Variants in DLGAP1 observed in about 807,000 individuals in gnomAD.
DLGAP1 encodes disks large-associated protein 1.
A neutral mutation model predicts 90.8 loss-of-function variants in DLGAP1; 11 were observed. The observed-to-expected ratio is 0.12, with a 90% CI of 0.08 to 0.20. DLGAP1 has a LOEUF of 0.20. Ranked by LOEUF, DLGAP1 falls within the 10% of genes least tolerant of loss-of-function variation. DLGAP1 has a pLI of 1.00. For missense variants in DLGAP1, 1,050 were observed against 1,333.8 expected (o/e 0.79, Z 3.31); for synonymous variants, 558 against 540.7 (o/e 1.03, Z -0.44).
At chr18:4,038,055 T>C (rs918578229) in intron 2 of DLGAP1, among the ~76,000 whole-genome samples, 8 of 152,170 alleles carry the variant, frequency 5.3e-5, no homozygotes, top group Non-Finnish European at 1.0e-4. Flanking sequence ...CTATAATCAA[T>C]TTGCTCACTC....
At chr18:4,308,748 T>C (rs879051985) in intron 1 of DLGAP1, among the ~76,000 whole-genome samples, 1 of 152,214 alleles carries the variant, frequency 6.6e-6, no homozygotes, top group Admixed American at 6.5e-5. Context: ...TCAATTTCTA[T>C]GTGAAGAGCT....
intron 1 of DLGAP1, among the ~76,000 whole-genome samples, chr18:4,218,448 A>AAT (rs1232128681): frequency 6.6e-6 from 1 of 151,960 alleles, no homozygotes; most frequent in African/African-American, 2.4e-5. Flanking sequence ...CACCTCATAT[A>AAT]ACTTATCTTT....
At chr18:3,705,715 G>A (rs2061410325) in intron 7 of DLGAP1, among the ~76,000 whole-genome samples, 2 of 151,104 alleles carry the variant, frequency 1.3e-5, no homozygotes, top group Admixed American at 6.6e-5. Context: ...CTGGAGTGCA[G>A]TGGCTCGATC....
At chr18:4,290,806 G>A (rs1271919928) in intron 1 of DLGAP1, among the ~76,000 whole-genome samples, 2 of 152,066 alleles carry the variant, frequency 1.3e-5, no homozygotes, top group Non-Finnish European at 2.9e-5. Context: ...TCTAAAAAAC[G>A]TGAAAAGAAA....
At chr18:4,143,891 A>G (rs1483117183) in intron 2 of DLGAP1, among the ~76,000 whole-genome samples, 1 of 152,098 alleles carries the variant, frequency 6.6e-6, no homozygotes, top group African/African-American at 2.4e-5. Context: ...TTTCTGGCCC[A>G]AGTTTTCTCT....
At position 3,666,351 on chromosome 18, in the gene DLGAP1, T is replaced by G. The variant is rs28663085; in HGVS notation, c.1591+62784A>C. ...AAACATATTTTTTCCTTGGCGGAAC[T>G]CTTTTTAGTAAGGATTTCCACCTTT... On this transcript the variant is annotated intron_variant, in intron 7 of 12. Transcript: ENST00000315677. Among the ~76,000 whole-genome samples, 883 of 151,182 alleles carry G rather than the reference T, an allele frequency of 5.8e-3. 7 individuals carry two copies. The highest frequency in any genetic ancestry group is 0.02 in the African/African-American group (847 of 41,536).
intron 2 of DLGAP1, among the ~76,000 whole-genome samples, chr18:4,097,362 C>T (rs1449376930): frequency 6.6e-6 from 1 of 152,198 alleles, no homozygotes; most frequent in Non-Finnish European, 1.5e-5. Flanking sequence ...TTAAATTCTA[C>T]CTTCTCCAGG....
intron 1 of DLGAP1, among the ~76,000 whole-genome samples, chr18:4,332,014 G>C (rs1484802899): frequency 6.6e-6 from 1 of 151,836 alleles, no homozygotes; most frequent in Admixed American, 6.6e-5. Flanking sequence ...ATCACTCCAG[G>C]AAAGTGCAAA....
intron 2 of DLGAP1, among the ~76,000 whole-genome samples, chr18:4,135,439 CTA>C (rs2076384110): frequency 6.6e-6 from 1 of 152,198 alleles, no homozygotes; most frequent in African/African-American, 2.4e-5. Context: ...GTAATTCAGA[CTA>C]TGTAATTCTT....
intron 4 of DLGAP1, among the ~76,000 whole-genome samples, chr18:3,815,449 A>G (rs960880129): frequency 6.6e-6 from 1 of 152,186 alleles, no homozygotes; most frequent in South Asian, 2.1e-4. Flanking sequence ...CCTCTTTGCA[A>G]GTTTCTCCCC....
chr18:3,588,183 G>A (rs1216154418), intron 7 of DLGAP1, among the ~76,000 whole-genome samples: 1 of 152,198 alleles, frequency 6.6e-6, no homozygotes, highest in Non-Finnish European at 1.5e-5. Flanking sequence ...TTTGGGGCCG[G>A]GCGCTGTGGC....
intron 1 of DLGAP1, among the ~76,000 whole-genome samples, chr18:4,354,341 C>G (rs1234218531): frequency 6.6e-6 from 1 of 152,156 alleles, no homozygotes; most frequent in Non-Finnish European, 1.5e-5. Flanking sequence ...AGAAATCTGA[C>G]CTATCTCCTT....
At chr18:3,502,842 A>T (rs2050012963) in intron 11 of DLGAP1, among the ~76,000 whole-genome samples, 197 bp from the exon 12 acceptor site, 1 of 152,248 alleles carries the variant, frequency 6.6e-6, no homozygotes, top group African/African-American at 2.4e-5. Context: ...TCAAATGTCA[A>T]GGTTGTAAAA....
intron 4 of DLGAP1, among the ~76,000 whole-genome samples, chr18:3,823,776 C>G (rs1357466830): frequency 3.3e-5 from 5 of 151,530 alleles, no homozygotes; most frequent in Non-Finnish European, 7.4e-5. Flanking sequence ...ATGGTAAAAC[C>G]CTGTCTATAC....
chr18:3,511,675 C>T (rs1416835354), intron 10 of DLGAP1, among the ~76,000 whole-genome samples: 1 of 152,120 alleles, frequency 6.6e-6, no homozygotes, highest in Non-Finnish European at 1.5e-5. Context: ...AAGCAATCCT[C>T]TTGCCTCAGC....
rs999119938 is a variant in DLGAP1, at chr18:3,874,345, T to A, written c.957+4767A>T. The A allele has an allele frequency of 1.5e-5, 23 of 1,511,354 alleles. No individual in the cohort carries two copies. The African/African-American group carries it at 2.8e-4, about 18-fold the overall frequency. The allele number at this position is 1,511,354 out of a possible 1,614,324, so 93.6% of individuals were successfully genotyped here. ...TCTACCGCGGAGAGAGCGTTTTGTT[T>A]CCCTTTTCCTGTTTCTACGGCTGAA... On this transcript the variant is annotated intron_variant, in intron 4 of 12. Transcript: ENST00000315677.
At chr18:3,750,645 G>C (rs775472278) in intron 5 of DLGAP1, among the ~76,000 whole-genome samples, 42 of 152,056 alleles carry the variant, frequency 2.8e-4, no homozygotes, top group Non-Finnish European at 4.9e-4. Context: ...TATCTCTCTT[G>C]TCCTGCTAGT....
chr18:4,033,966 G>A (rs1391108101), intron 2 of DLGAP1, among the ~76,000 whole-genome samples: 3 of 150,410 alleles, frequency 2.0e-5, no homozygotes, highest in Middle Eastern at 3.2e-3. Flanking sequence ...CTCCATCTCC[G>A]GACCTCGTGA....
At chr18:3,549,701 C>T (rs1217690936) in intron 9 of DLGAP1, among the ~76,000 whole-genome samples, 1 of 152,044 alleles carries the variant, frequency 6.6e-6, no homozygotes, top group Non-Finnish European at 1.5e-5. Context: ...CCTGATATAG[C>T]TGTATTATTA....
Sources: allele counts gnomAD v4.1 joint callset (sites outside exome capture counted in the v4.1 genomes callset), GRCh38; gene constraint gnomAD v4.1.1; transcripts MANE v1.5; gene names NCBI Gene and HGNC (gene_info 2026-07-23, HGNC 2026-07-21).